XRN1: variants seen among roughly 807,000 people sequenced by gnomAD.
The protein encoded by XRN1 is strand-exchange protein 1 homolog.
XRN1 carries 67 observed loss-of-function variants against 222.3 expected under a neutral mutation model. That is an observed-to-expected ratio of 0.30 (90% CI 0.25 to 0.37). The LOEUF is 0.37. Among genes scored for constraint, XRN1 ranks in the 10% least tolerant of loss-of-function variants. The probability of loss-of-function intolerance (pLI) is 1.00; values close to 1 mark genes in which losing one functional copy is unlikely to be tolerated. For missense variants in XRN1, 1,707 were observed against 2,000.2 expected, an observed-to-expected ratio of 0.85 and a Z score of 2.80; for synonymous variants, 643 against 652.4, an observed-to-expected ratio of 0.99 and a Z score of 0.22.
At chr3:142,391,806 C>T (rs1366980219) in intron 20 of XRN1, among the ~76,000 whole-genome samples, 4 of 148,084 alleles carry the variant, frequency 2.7e-5, no homozygotes, top group African/African-American at 1.0e-4. Context: ...TATTTTCTTA[C>T]TATCCTGCAT....
chr3:142,396,595 C>T (rs939559084), intron 20 of XRN1, among the ~76,000 whole-genome samples: 1 of 152,116 alleles, frequency 6.6e-6, no homozygotes, highest in African/African-American at 2.4e-5. Flanking sequence ...GGTCTTTGAA[C>T]GTTTTCCCGG....
intron 20 of XRN1, among the ~76,000 whole-genome samples, chr3:142,386,588 C>T (rs555906528): frequency 6.6e-6 from 1 of 152,102 alleles, no homozygotes; most frequent in South Asian, 2.1e-4. Flanking sequence ...ACTTAGTTTT[C>T]CCCTGAAATT....
intron 20 of XRN1, among the ~76,000 whole-genome samples, chr3:142,390,373 TTAGC>T (rs2067670595): frequency 6.6e-6 from 1 of 152,214 alleles, no homozygotes; most frequent in Non-Finnish European, 1.5e-5. Context: ...ATCAACAATC[TTAGC>T]TAGATCTGGA....
At chr3:142,439,272 A>C (rs2070084199) in intron 1 of XRN1, among the ~76,000 whole-genome samples, 1 of 152,190 alleles carries the variant, frequency 6.6e-6, no homozygotes, top group Non-Finnish European at 1.5e-5. Context: ...GAGTTTGGCA[A>C]TCTCTGGTAT....
chr3:142,386,093 CAA>C (rs1416284356), intron 20 of XRN1, among the ~76,000 whole-genome samples: 1 of 151,852 alleles, frequency 6.6e-6, no homozygotes, highest in Non-Finnish European at 1.5e-5. Flanking sequence ...TAGCCAGAAA[CAA>C]AAGTTTTCCA....
chr3:142,324,253 C>G (rs185037810), intron 37 of XRN1, among the ~76,000 whole-genome samples: 1 of 122,860 alleles, frequency 8.1e-6, no homozygotes, highest in Non-Finnish European at 1.7e-5. Flanking sequence ...CCCCTCCCCC[C>G]ACCCACAACA....
chr3:142,324,872 C>T (rs1440437244), intron 37 of XRN1, among the ~76,000 whole-genome samples: 2 of 151,988 alleles, frequency 1.3e-5, no homozygotes, highest in Non-Finnish European at 1.5e-5. Context: ...TTTCATATGT[C>T]TGTTGGCTGC....
At chr3:142,382,714 A>C (rs2067345678) in intron 22 of XRN1, among the ~76,000 whole-genome samples, 1 of 152,118 alleles carries the variant, frequency 6.6e-6, no homozygotes, top group Non-Finnish European at 1.5e-5. Context: ...CATTGTGCTA[A>C]GGTGTCTTTG....
intron 12 of XRN1, among the ~76,000 whole-genome samples, chr3:142,417,634 G>A (rs564075632): frequency 8.5e-5 from 13 of 152,266 alleles, no homozygotes; most frequent in African/African-American, 3.1e-4. Context: ...CAGCAAATCA[G>A]GAAGATCTTA....
chr3:142,345,308 TTTTTAACAAACAATG>T, intron 33 of XRN1, among the ~76,000 whole-genome samples: 1 of 152,300 alleles, frequency 6.6e-6, no homozygotes, highest in African/African-American at 2.4e-5. Context: ...AAGAGTAGTC[TTTTTAACAAACAATG>T]TTTGGATAAA....
chr3:142,326,671 A>C (rs1168959225), intron 37 of XRN1, among the ~76,000 whole-genome samples: 1 of 152,136 alleles, frequency 6.6e-6, no homozygotes, highest in Non-Finnish European at 1.5e-5. Flanking sequence ...TACTATATTA[A>C]CAGTGGTGAA....
rs1179064978 is a variant in XRN1, at chr3:142,306,804, C to T, written c.*4707G>A. Reference sequence around the variant, plus strand: ...TCCATTCCAATGCAAGTTTAAAACACTTTAATTGGCAGACAATGTAAAGAT... The same window carrying T: ...TCCATTCCAATGCAAGTTTAAAACATTTTAATTGGCAGACAATGTAAAGAT... On this transcript the variant is annotated 3_prime_UTR_variant, in exon 41 of 41. Coordinates refer to ENST00000392981, the MANE Select transcript of XRN1 (RefSeq NM_001282857.2). The T allele has an allele frequency of 6.6e-6, 1 of 152,608 alleles. No homozygotes were observed. Among genetic ancestry groups the T allele is most frequent in the East Asian group, 1.9e-4 (1 of 5,206 alleles). The allele number at this position is 152,608 out of a possible 1,614,324, so 9.5% of individuals were successfully genotyped here.
At chr3:142,329,172 C>G (rs1485549570) in intron 37 of XRN1, among the ~76,000 whole-genome samples, 1 of 152,032 alleles carries the variant, frequency 6.6e-6, no homozygotes, top group East Asian at 1.9e-4. Context: ...TTGAAAATTG[C>G]TACTGTAGGC....
intron 15 of XRN1, among the ~76,000 whole-genome samples, chr3:142,407,207 C>G (rs796287332): frequency 1.3e-5 from 2 of 152,332 alleles, no homozygotes; most frequent in African/African-American, 4.8e-5. Context: ...ATCAGCATTA[C>G]AGACTTGTTC....
intron 33 of XRN1, among the ~76,000 whole-genome samples, chr3:142,342,451 T>C (rs1230007402): frequency 6.6e-6 from 1 of 152,052 alleles, no homozygotes; most frequent in Non-Finnish European, 1.5e-5. Context: ...ATCATAAAAT[T>C]TACATGGAAC....
At chr3:142,377,868 T>G (rs934296253) in intron 23 of XRN1, among the ~76,000 whole-genome samples, 1 of 152,188 alleles carries the variant, frequency 6.6e-6, no homozygotes, top group Non-Finnish European at 1.5e-5. Context: ...TGATTCCCAG[T>G]ACAAAGCTCC....
intron 12 of XRN1, 61 bp downstream of exon 12, chr3:142,418,443 C>G (rs1425378464): frequency 7.4e-7 from 1 of 1,344,992 alleles, no homozygotes; most frequent in Non-Finnish European, 1.0e-6. Context: ...ATCATATTTT[C>G]TGAATAACTG....
chr3:142,327,706 G>A (rs1459155645), intron 37 of XRN1, among the ~76,000 whole-genome samples: 2 of 151,984 alleles, frequency 1.3e-5, no homozygotes, highest in South Asian at 2.1e-4. Flanking sequence ...TAAGGGGTGC[G>A]AGTGCAGTTT....
At chr3:142,432,945 T>C in intron 1 of XRN1, 52 bp from the exon 2 acceptor site, 2 of 1,356,646 alleles carry the variant, frequency 1.5e-6, no homozygotes, top group African/African-American at 1.5e-5. Flanking sequence ...CAACTACAGA[T>C]ATCTTAAGCA....
Sources: gnomAD v4.1 joint callset for allele counts (sites outside exome capture counted in the v4.1 genomes callset) on GRCh38, gnomAD v4.1.1 for gene constraint, MANE v1.5 for transcripts, NCBI Gene and HGNC (gene_info 2026-07-23, HGNC 2026-07-21) for gene names.